The following GLT8D2 variants were observed in gnomAD, a reference collection of about 807,000 sequenced individuals.
The protein encoded by GLT8D2 is glycosyltransferase 8 domain containing 2, also known as glycosyltransferase 8 domain-containing protein 2.
Under a neutral mutation model 44.5 loss-of-function variants are expected in GLT8D2, and 45 were observed. That is an observed-to-expected ratio of 1.01 (90% CI 0.80 to 1.30). The LOEUF (loss-of-function observed/expected upper bound fraction) is 1.30. Ranked by LOEUF, GLT8D2 falls within the 50% of genes most tolerant of loss-of-function variation. The pLI, the probability that GLT8D2 is intolerant of heterozygous loss-of-function variation, is 0.00. For missense variants in GLT8D2, 400 were observed against 430.4 expected (o/e 0.93, Z 0.62); for synonymous variants, 156 against 157.2 (o/e 0.99, Z 0.06).
At chr12:104,059,785 T>C (rs867280146) in intron 1 of GLT8D2, among the ~76,000 whole-genome samples, 72 of 152,224 alleles carry the variant, frequency 4.7e-4, no homozygotes, top group Non-Finnish European at 7.6e-4. Context: ...AGGTTGGAAA[T>C]GATTGCTGGT....
chr12:104,040,706 G>A (rs994421241), intron 1 of GLT8D2, among the ~76,000 whole-genome samples: 8 of 152,036 alleles, frequency 5.3e-5, no homozygotes, highest in African/African-American at 1.9e-4. Context: ...TTACAGGCGT[G>A]AGCCACCACG....
intron 3 of GLT8D2, among the ~76,000 whole-genome samples, chr12:104,018,505 A>T (rs375983942): frequency 6.6e-6 from 1 of 152,128 alleles, no homozygotes; most frequent in Non-Finnish European, 1.5e-5. Flanking sequence ...TCCATTTAAA[A>T]CAAAACTACA....
chr12:104,040,464 C>T lies in GLT8D2; in HGVS notation c.-164+9431G>A, dbSNP rs566934003. Among the ~76,000 whole-genome samples, 29 of 152,198 alleles carry T rather than the reference C, an allele frequency of 1.9e-4. No homozygotes were observed. In the South Asian group the frequency reaches 3.1e-3, roughly 16 times the overall value. ...CTTTTGGGACGAAGTCTTGTTCTGT[C>T]GCCCAGGCTGGAGTGCAGTCGCTTG... is the stretch of plus-strand genomic sequence containing the variant. On this transcript the variant is annotated intron_variant, in intron 1 of 10. Transcript: ENST00000360814.
chr12:104,004,930 C>A (rs1487080068), intron 4 of GLT8D2, among the ~76,000 whole-genome samples: 28 of 152,144 alleles, frequency 1.8e-4, no homozygotes, highest in African/African-American at 6.0e-4. Context: ...CCAAGTCAAT[C>A]CTAAGCCAAA....
At position 104,032,466 on chromosome 12, in the gene GLT8D2, C is replaced by CAAAAAAAAAAAAAAAA. The variant is rs547392677; in HGVS notation, c.-163-10991_-163-10976dup. 6.5e-4 allele frequency among the ~76,000 whole-genome samples: 39 copies of CAAAAAAAAAAAAAAAA among 59,648 alleles called. 1 individual carries two copies. Among genetic ancestry groups the CAAAAAAAAAAAAAAAA allele is most frequent in the South Asian group, 2.1e-3 (4 of 1,864 alleles). The allele number at this position is 59,648 out of a possible 152,430, so 39.1% of individuals were successfully genotyped here. A position where few individuals can be genotyped will look rare whatever the true frequency, so the allele number is the denominator to read the frequency against. On this transcript the variant is annotated intron_variant, in intron 1 of 10. Coordinates refer to ENST00000360814, the MANE Select transcript of GLT8D2 (RefSeq NM_001384711.1). ...ATAATAAAGGAGTGATGTGCAATAG[C>CAAAAAAAAAAAAAAAA]AAAAAAAAAAAAAAAAAAAAAAAAA...
At chr12:104,035,850 C>T (rs1280103116) in intron 1 of GLT8D2, among the ~76,000 whole-genome samples, 2 of 151,972 alleles carry the variant, frequency 1.3e-5, no homozygotes, top group Non-Finnish European at 2.9e-5. Context: ...GAGGAGCAAC[C>T]CCAAGATATA....
At chr12:104,002,369 T>C (rs1172445848) in intron 5 of GLT8D2, among the ~76,000 whole-genome samples, 1 of 152,214 alleles carries the variant, frequency 6.6e-6, no homozygotes, top group East Asian at 1.9e-4. Flanking sequence ...TTGTAACAAT[T>C]CTATATTTTG....
intron 1 of GLT8D2, among the ~76,000 whole-genome samples, chr12:104,021,930 GAAGAAGA>G (rs1877788691): frequency 4.1e-5 from 1 of 24,684 alleles, no homozygotes; most frequent in East Asian, 1.8e-3. Context: ...AGAAGAAGAA[GAAGAAGA>G]AGAAGAAGAA....
At chr12:104,037,577 CT>C (rs1880049161) in intron 1 of GLT8D2, among the ~76,000 whole-genome samples, 1 of 152,130 alleles carries the variant, frequency 6.6e-6, no homozygotes, top group Admixed American at 6.6e-5. Flanking sequence ...TGCATACACC[CT>C]CCCAAGACTA....
intron 1 of GLT8D2, among the ~76,000 whole-genome samples, chr12:104,028,066 C>T (rs1009089574): frequency 6.6e-6 from 1 of 152,146 alleles, no homozygotes; most frequent in Non-Finnish European, 1.5e-5. Context: ...CATCTTTCCC[C>T]GTCCAGTGTG....
chr12:104,061,412 A>G (rs11111881), intron 1 of GLT8D2, among the ~76,000 whole-genome samples: 3,576 of 152,282 alleles, frequency 0.023, 161 homozygotes, highest in East Asian at 0.21. Flanking sequence ...AGGGCATTAG[A>G]AAAAAACTAC....
intron 4 of GLT8D2, among the ~76,000 whole-genome samples, chr12:104,011,626 T>C (rs888736744): frequency 6.6e-6 from 1 of 152,216 alleles, no homozygotes; most frequent in Non-Finnish European, 1.5e-5. Flanking sequence ...TACTTGAACG[T>C]AGGACTTCAC....
intron 1 of GLT8D2, among the ~76,000 whole-genome samples, chr12:104,060,763 A>G (rs1882577771): frequency 6.6e-6 from 1 of 152,104 alleles, no homozygotes; most frequent in South Asian, 2.1e-4. Context: ...TCTCTAGAAA[A>G]AATTTAAAAA....
intron 10 of GLT8D2, among the ~76,000 whole-genome samples, chr12:103,992,491 CTTTT>C (rs1232659471): frequency 8.5e-5 from 11 of 129,970 alleles, no homozygotes; most frequent in Admixed American, 2.3e-4. Flanking sequence ...CTCTCTCTCT[CTTTT>C]TTTTTTTTTT....
In GLT8D2 at chr12:103,989,303, A is replaced by G; in HGVS notation, c.*105T>C. On this transcript the variant is annotated 3_prime_UTR_variant, in exon 11 of 11. Transcript: ENST00000360814. ...GTAGTTTTTGGTTTTTATATTGTGGATCATATGTATCAAAGGTAATATTCA... is the reference window on the plus strand; with the variant it reads ...GTAGTTTTTGGTTTTTATATTGTGGGTCATATGTATCAAAGGTAATATTCA... 9.9e-7 allele frequency: 1 copy of G among 1,007,402 alleles called. No homozygotes were observed. Among genetic ancestry groups the G allele is most frequent in the Non-Finnish European group, 1.4e-6 (1 of 700,012 alleles). The allele number at this position is 1,007,402 out of a possible 1,614,324, so 62.4% of individuals were successfully genotyped here. A position where few individuals can be genotyped will look rare whatever the true frequency, so the allele number is the denominator to read the frequency against.
At position 104,015,003 on chromosome 12, in the gene GLT8D2, G is replaced by A; in HGVS notation, c.112+10C>T. The A allele has an allele frequency of 6.3e-7, 1 of 1,588,486 alleles. No individual in the cohort carries two copies. Among genetic ancestry groups the A allele is most frequent in the Non-Finnish European group, 8.6e-7 (1 of 1,157,134 alleles). On this transcript the variant is annotated intron_variant, in intron 4 of 10. Coordinates refer to ENST00000360814, the MANE Select transcript of GLT8D2 (RefSeq NM_001384711.1). ...GGTATCCCAACTCAATGAATTCCAT[G>A]TCTGCTCACCTGCGTCATTCTTGGG... is the stretch of plus-strand genomic sequence containing the variant.
intron 1 of GLT8D2, among the ~76,000 whole-genome samples, chr12:104,041,101 T>C (rs987902384): frequency 6.6e-6 from 1 of 151,728 alleles, no homozygotes; most frequent in Non-Finnish European, 1.5e-5. Flanking sequence ...ACCCCGTCTC[T>C]ACTAAAAATA....
intron 1 of GLT8D2, among the ~76,000 whole-genome samples, chr12:104,041,096 G>A (rs569243161): frequency 2.6e-5 from 4 of 151,870 alleles, no homozygotes; most frequent in East Asian, 2.0e-4. Context: ...GTGAAACCCC[G>A]TCTCTACTAA....
At chr12:104,029,328 A>C (rs1026023022) in intron 1 of GLT8D2, among the ~76,000 whole-genome samples, 7 of 152,140 alleles carry the variant, frequency 4.6e-5, no homozygotes, top group African/African-American at 1.4e-4. Flanking sequence ...CCTGAACCAA[A>C]TGTTTAAAAA....
Sources: allele counts gnomAD v4.1 joint callset (sites outside exome capture counted in the v4.1 genomes callset), GRCh38; gene constraint gnomAD v4.1.1; transcripts MANE v1.5; gene names NCBI Gene and HGNC (gene_info 2026-07-23, HGNC 2026-07-21).